The following PLCG2 variants were observed in gnomAD, a reference collection of about 807,000 sequenced individuals.
PLCG2 encodes the protein phospholipase C gamma 2.
A neutral mutation model predicts 175.6 loss-of-function variants in PLCG2; 69 were observed. The ratio of observed to expected loss-of-function variants is 0.39; its 90% confidence interval spans 0.32 to 0.48. The LOEUF is 0.48. PLCG2 is among the 20% of genes least tolerant of loss of function. PLCG2 has a pLI of 0.91. For synonymous variants in PLCG2, 827 were observed against 624.0 expected (o/e 1.33, Z -4.85); for missense variants, 1,798 against 1,650.9 (o/e 1.09, Z -1.54).
At chr16:81,936,690 C>T (rs1178314838) in intron 27 of PLCG2, among the ~76,000 whole-genome samples, 1 of 152,212 alleles carries the variant, frequency 6.6e-6, no homozygotes, top group Non-Finnish European at 1.5e-5. Flanking sequence ...TTCTCTTCTC[C>T]AGGCCTGTTG....
rs150054348 is a variant in PLCG2, at chr16:81,859,040, C to T, written c.432-76C>T. ...GTTCCAGTTCCTTTTGTGCACATTCCGTAGGACTCACTTAGACTTGTGCTA... is the reference window on the plus strand; with the variant it reads ...GTTCCAGTTCCTTTTGTGCACATTCTGTAGGACTCACTTAGACTTGTGCTA... On this transcript the variant is annotated intron_variant, in intron 4 of 32. Coordinates refer to ENST00000564138, the MANE Select transcript of PLCG2 (RefSeq NM_002661.5). 7,322 of 884,414 alleles carry T rather than the reference C, an allele frequency of 8.3e-3. 59 individuals carry two copies. Among genetic ancestry groups the T allele is most frequent in the Non-Finnish European group, 9.1e-3 (4,831 of 529,436 alleles). The allele number at this position is 884,414 out of a possible 1,614,324, so 54.8% of individuals were successfully genotyped here. A position where few individuals can be genotyped will look rare whatever the true frequency, so the allele number is the denominator to read the frequency against.
intron 15 of PLCG2, among the ~76,000 whole-genome samples, chr16:81,906,672 C>T (rs919285247): frequency 2.0e-5 from 3 of 152,210 alleles, no homozygotes; most frequent in African/African-American, 7.2e-5. Flanking sequence ...GGTCTGCCCG[C>T]CTTGGCCTCC....
intron 27 of PLCG2, among the ~76,000 whole-genome samples, chr16:81,936,832 A>G (rs1910735230): frequency 6.6e-6 from 1 of 152,196 alleles, no homozygotes; most frequent in Non-Finnish European, 1.5e-5. Flanking sequence ...GTTGTTATTT[A>G]AGACCTCTTT....
rs1031437038 is a variant in PLCG2, at chr16:81,907,770, C to T, written c.1553C>T (p.Pro518Leu). The T allele has an allele frequency of 1.2e-6, 2 of 1,612,396 alleles. No individual in the cohort carries two copies. The highest frequency in any genetic ancestry group is 8.5e-7 in the Non-Finnish European group (1 of 1,178,868). Residue 518 changes from proline to leucine, a missense_variant, in exon 16 of 33, where the codon CCC (proline) becomes CTC (leucine). Physicochemically the swap from Pro to Leu is moderately conservative, Grantham distance 98. Transcript: ENST00000564138. The part of the protein sequence containing the change: ...DIEQTMEEEV[P>L]QDIPPTELHF... ...GAACAGACTATGGAGGAGGAAGTGCCCCAGGTAGGGGGACACCCTAGCCAC... is the reference window on the plus strand; with the variant it reads ...GAACAGACTATGGAGGAGGAAGTGCTCCAGGTAGGGGGACACCCTAGCCAC...
At chr16:81,759,703 T>C (rs891417203) in intron 2 of PLCG2, among the ~76,000 whole-genome samples, 1 of 152,250 alleles carries the variant, frequency 6.6e-6, no homozygotes, top group South Asian at 2.1e-4. Context: ...CAAGGATAGC[T>C]TATAGCTTGT....
chr16:81,932,733 C>T (rs1294734928), intron 25 of PLCG2, among the ~76,000 whole-genome samples: 4 of 152,214 alleles, frequency 2.6e-5, no homozygotes, highest in Non-Finnish European at 5.9e-5. Flanking sequence ...GGGACTGGTC[C>T]ATGGGTGCCC....
At chr16:81,854,296 G>T in intron 2 of PLCG2, 148 bp from the exon 3 acceptor site, 2 of 712,358 alleles carry the variant, frequency 2.8e-6, no homozygotes, top group Admixed American at 2.4e-5. Context: ...CAGAAGGAGG[G>T]GACACTGAGT....
Position 81,945,088 on chromosome 16 carries a change from T to C in PLCG2, c.3482-1087T>C, listed in dbSNP as rs182212263. Among the ~76,000 whole-genome samples the C allele has an allele frequency of 1.1e-4, 16 of 152,098 alleles. No individual in the cohort carries two copies. In the East Asian group the frequency reaches 1.5e-3, roughly 15 times the overall value. Reference sequence around the variant, plus strand: ...CACCTTAGGGGTGTAAAAGGAGAAATTGGGGAGAGAAAAGGAACAGGTTTG... The same window carrying C: ...CACCTTAGGGGTGTAAAAGGAGAAACTGGGGAGAGAAAAGGAACAGGTTTG... On this transcript the variant is annotated intron_variant, in intron 30 of 32. Coordinates refer to ENST00000564138, the MANE Select transcript of PLCG2 (RefSeq NM_002661.5).
chr16:81,933,576 G>C (rs2966242), intron 25 of PLCG2, among the ~76,000 whole-genome samples: 1 of 143,894 alleles, frequency 6.9e-6, no homozygotes, highest in African/African-American at 2.5e-5. Context: ...GCTGTTTTTT[G>C]TTTTTTTTTT....
chr16:81,813,056 C>G (rs1904387224), intron 2 of PLCG2, among the ~76,000 whole-genome samples: 2 of 152,290 alleles, frequency 1.3e-5, no homozygotes, highest in South Asian at 4.1e-4. Flanking sequence ...GTACCAGTAC[C>G]ATGCTGTTTT....
intron 31 of PLCG2, among the ~76,000 whole-genome samples, chr16:81,951,409 A>C (rs1567547716): frequency 6.6e-6 from 1 of 152,254 alleles, no homozygotes. Flanking sequence ...AAATAGGCTA[A>C]AATTGTTCTG....
intron 2 of PLCG2, among the ~76,000 whole-genome samples, chr16:81,816,442 G>C (rs1209019212): frequency 6.6e-6 from 1 of 151,482 alleles, no homozygotes; most frequent in Non-Finnish European, 1.5e-5. Context: ...TGAAAAGGGT[G>C]ACCTGGCAAG....
chr16:81,929,264 G>C (rs1257495372), intron 24 of PLCG2, among the ~76,000 whole-genome samples: 1 of 152,188 alleles, frequency 6.6e-6, no homozygotes, highest in Non-Finnish European at 1.5e-5. Flanking sequence ...CTCTGTAGCG[G>C]GCCTCCTTGT....
chr16:81,785,587 G>A (rs906011284), intron 1 of PLCG2, among the ~76,000 whole-genome samples: 1 of 151,870 alleles, frequency 6.6e-6, no homozygotes, highest in Non-Finnish European at 1.5e-5. Flanking sequence ...TTGGAGATTA[G>A]GGGTGAGAGG....
chr16:81,753,488 G>A (rs1200104957), intron 1 of PLCG2, among the ~76,000 whole-genome samples: 1 of 148,896 alleles, frequency 6.7e-6, no homozygotes, highest in African/African-American at 2.5e-5. Flanking sequence ...GTTGTATCTT[G>A]GCTCACTGAT....
rs74029317 is a variant in PLCG2 at position 81,953,264 on chromosome 16, C to T, written c.3571-3431C>T. 2.9e-3 allele frequency among the ~76,000 whole-genome samples: 437 copies of T among 152,162 alleles called. 2 individuals are homozygous for T. Among genetic ancestry groups the T allele is most frequent in the African/African-American group, 9.6e-3 (400 of 41,518 alleles). Reference sequence around the variant, plus strand: ...CAGGAAAAGGAGACTGGTGGAAAACCCAGTGAAATATGAATAAGATCTGTA... The same window carrying T: ...CAGGAAAAGGAGACTGGTGGAAAACTCAGTGAAATATGAATAAGATCTGTA... On this transcript the variant is annotated intron_variant, in intron 31 of 32. Coordinates refer to ENST00000564138, the MANE Select transcript of PLCG2 (RefSeq NM_002661.5).
intron 12 of PLCG2, 143 bp downstream of exon 12, chr16:81,893,937 G>A (rs1908759418): frequency 6.3e-6 from 3 of 472,646 alleles, no homozygotes. Context: ...AGAGTGTGAT[G>A]TTTCTTTGTT....
chr16:81,826,474 C>A (rs1905054672), intron 2 of PLCG2, among the ~76,000 whole-genome samples: 2 of 152,206 alleles, frequency 1.3e-5, no homozygotes, highest in Admixed American at 1.3e-4. Context: ...GCCTCAGTCT[C>A]CTCACTGATA....
At chr16:81,816,651 ATTTTTTTTTTTTTTT>A (rs71146047) in intron 2 of PLCG2, among the ~76,000 whole-genome samples, 3 of 108,858 alleles carry the variant, frequency 2.8e-5, no homozygotes, top group Non-Finnish European at 3.4e-5. Context: ...GCTAATTTTA[ATTTTTTTTTTTTTTT>A]TTTTTTTTTT....
Sources: gnomAD v4.1 joint callset for allele counts (sites outside exome capture counted in the v4.1 genomes callset) on GRCh38, gnomAD v4.1.1 for gene constraint, MANE v1.5 for transcripts, NCBI Gene and HGNC (gene_info 2026-07-23, HGNC 2026-07-21) for gene names.